XKR4: variants seen among roughly 807,000 people sequenced by gnomAD.
The protein encoded by XKR4 is XK-related protein 4.
XKR4 carries 12 observed loss-of-function variants against 53.9 expected under a neutral mutation model. That is an observed-to-expected ratio of 0.22 (90% CI 0.14 to 0.36). The LOEUF (loss-of-function observed/expected upper bound fraction) is 0.36. Among genes scored for constraint, XKR4 ranks in the 10% least tolerant of loss-of-function variants. XKR4 has a pLI of 1.00. For synonymous variants in XKR4, 354 were observed against 362.4 expected (o/e 0.98, Z 0.26); for missense variants, 799 against 859.5 (o/e 0.93, Z 0.88).
intron 1 of XKR4, among the ~76,000 whole-genome samples, chr8:55,237,238 G>A (rs999666806): frequency 3.3e-5 from 5 of 152,154 alleles, no homozygotes; most frequent in African/African-American, 4.8e-5. Context: ...ATGAGGGTTA[G>A]GGGCATCAAC....
chr8:55,276,119 T>A (rs1047680455), intron 1 of XKR4, among the ~76,000 whole-genome samples: 5 of 152,242 alleles, frequency 3.3e-5, no homozygotes, highest in Non-Finnish European at 7.3e-5. Flanking sequence ...GAAATCGTTA[T>A]ACACAGTGCA....
chr8:55,274,143 GA>G (rs1231169248), intron 1 of XKR4, among the ~76,000 whole-genome samples: 1 of 152,148 alleles, frequency 6.6e-6, no homozygotes, highest in Admixed American at 6.5e-5. Flanking sequence ...CAATAATCCA[GA>G]AATGTGAAAA....
intron 2 of XKR4, among the ~76,000 whole-genome samples, chr8:55,428,469 C>T (rs564734758): frequency 2.8e-4 from 42 of 152,328 alleles, no homozygotes; most frequent in African/African-American, 9.6e-4. Context: ...ACAGAAAACA[C>T]TTCCCACCCT....
At chr8:55,460,023 A>G (rs1157171508) in intron 2 of XKR4, among the ~76,000 whole-genome samples, 1 of 152,026 alleles carries the variant, frequency 6.6e-6, no homozygotes, top group Non-Finnish European at 1.5e-5. Flanking sequence ...AAAAAAAAAA[A>G]ACCAAATGTC....
chr8:55,232,272 A>G (rs16921468), intron 1 of XKR4, among the ~76,000 whole-genome samples: 2,829 of 152,252 alleles, frequency 0.019, 92 homozygotes, highest in African/African-American at 0.064. Flanking sequence ...ATGCTTGACC[A>G]AGTGCCAGGA....
At chr8:55,451,416 G>A (rs1343439341) in intron 2 of XKR4, 3 of 1,092,228 alleles carry the variant, frequency 2.7e-6, no homozygotes, top group Non-Finnish European at 1.4e-6. Context: ...ACGCACTGGA[G>A]TAGCGGGGCA....
At chr8:55,288,887 A>G (rs1159761702) in intron 1 of XKR4, among the ~76,000 whole-genome samples, 1 of 152,200 alleles carries the variant, frequency 6.6e-6, no homozygotes, top group Non-Finnish European at 1.5e-5. Context: ...AGAATGTTGT[A>G]TCAATGGAAT....
At chr8:55,377,425 T>G (rs368364321) in intron 2 of XKR4, among the ~76,000 whole-genome samples, 5 of 152,324 alleles carry the variant, frequency 3.3e-5, no homozygotes, top group South Asian at 4.1e-4. Flanking sequence ...TTAGCTCTGA[T>G]GTGTTAGTAC....
intron 1 of XKR4, among the ~76,000 whole-genome samples, chr8:55,163,512 T>G (rs1207940204): frequency 6.6e-6 from 1 of 152,174 alleles, no homozygotes; most frequent in Non-Finnish European, 1.5e-5. Context: ...GTTCCATAGC[T>G]CAGATAAACA....
intron 2 of XKR4, chr8:55,454,476 G>C (rs1805523823): frequency 2.5e-6 from 3 of 1,185,460 alleles, no homozygotes; most frequent in Non-Finnish European, 3.7e-6. Flanking sequence ...TGCTCCATGA[G>C]GGTGGCACAG....
intron 1 of XKR4, among the ~76,000 whole-genome samples, chr8:55,326,468 C>CTTTTTTTTTTTTTTTTTTTT (rs10666278): frequency 8.9e-6 from 1 of 111,782 alleles, no homozygotes; most frequent in Admixed American, 1.1e-4. Flanking sequence ...ATTTTTTTTC[C>CTTTTTTTTTTTTTTTTTTTT]TTTTTTTTTT....
chr8:55,154,386 G>A (rs1295048794), intron 1 of XKR4, among the ~76,000 whole-genome samples: 1 of 152,258 alleles, frequency 6.6e-6, no homozygotes, highest in Admixed American at 6.5e-5. Context: ...TCAATCATAT[G>A]TTTTACAAAC....
intron 2 of XKR4, among the ~76,000 whole-genome samples, chr8:55,378,368 G>A (rs1005100478): frequency 3.9e-5 from 6 of 152,122 alleles, no homozygotes; most frequent in African/African-American, 1.4e-4. Context: ...ATGCTAACTG[G>A]CTATTTTTAT....
At chr8:55,439,385 G>T (rs1345839612) in intron 2 of XKR4, among the ~76,000 whole-genome samples, 1 of 119,274 alleles carries the variant, frequency 8.4e-6, no homozygotes, top group Non-Finnish European at 1.8e-5. Flanking sequence ...TCTCTAAAGG[G>T]AACAGACCAC....
At chr8:55,182,134 A>C (rs1167475675) in intron 1 of XKR4, among the ~76,000 whole-genome samples, 1 of 152,040 alleles carries the variant, frequency 6.6e-6, no homozygotes, top group Non-Finnish European at 1.5e-5. Context: ...TTAAAAATTC[A>C]TTATGAATTT....
rs898279342 is a variant in XKR4 at position 55,393,776 on chromosome 8, T to C, written c.1006+35899T>C. Among the ~76,000 whole-genome samples the C allele has an allele frequency of 2.6e-5, 4 of 152,258 alleles. 1 individual carries two copies. Among genetic ancestry groups the C allele is most frequent in the Admixed American group, 2.6e-4 (4 of 15,284 alleles). On this transcript the variant is annotated intron_variant, in intron 2 of 2. Transcript: ENST00000327381. ...TTGAGTTGGTAATAATAAACAAACG[T>C]CCCTTTTAAAGACATTGAGTCATCT... is the stretch of plus-strand genomic sequence containing the variant.
intron 1 of XKR4, among the ~76,000 whole-genome samples, chr8:55,263,561 A>G (rs1328642967): frequency 6.6e-6 from 1 of 152,282 alleles, no homozygotes; most frequent in East Asian, 1.9e-4. Flanking sequence ...TAAATAATGC[A>G]TATTTGAAGT....
chr8:55,491,651 TTTG>T (rs1435495090), intron 2 of XKR4, among the ~76,000 whole-genome samples: 15 of 151,968 alleles, frequency 9.9e-5, no homozygotes, highest in African/African-American at 3.6e-4. Flanking sequence ...TGTTTGTTTG[TTTG>T]TTTTTTATTG....
chr8:55,228,381 A>G (rs6473977), intron 1 of XKR4, among the ~76,000 whole-genome samples: 127,506 of 152,216 alleles, frequency 0.84, 54,275 homozygotes, highest in Non-Finnish European at 0.93. Flanking sequence ...AATAACTACT[A>G]TTCATCTAAA....
Sources: allele counts gnomAD v4.1 joint callset (sites outside exome capture counted in the v4.1 genomes callset), GRCh38; gene constraint gnomAD v4.1.1; transcripts MANE v1.5; gene names NCBI Gene and HGNC (gene_info 2026-07-23, HGNC 2026-07-21).